The following NRXN2 variants were observed in gnomAD, a reference collection of about 807,000 sequenced individuals.
NRXN2 encodes neurexin-2-beta.
A neutral mutation model predicts 128.8 loss-of-function variants in NRXN2; 29 were observed. That is an observed-to-expected ratio of 0.23 (90% confidence interval 0.17 to 0.31). The LOEUF (loss-of-function observed/expected upper bound fraction) is 0.31, where lower values mean the gene tolerates loss of function less well. NRXN2 is among the 10% of genes least tolerant of loss of function. The pLI is 1.00. For missense variants in NRXN2, 1,881 were observed against 2,452.6 expected (o/e 0.77, Z 4.92); for synonymous variants, 1,098 against 1,075.2 (o/e 1.02, Z -0.41).
intron 19 of NRXN2, among the ~76,000 whole-genome samples, chr11:64,629,868 A>T: frequency 6.7e-6 from 1 of 149,596 alleles, no homozygotes. Context: ...CTCCGTGGCT[A>T]CTCCTCTTCC....
At chr11:64,626,370 G>T in intron 20 of NRXN2, 93 bp downstream of exon 20, 1 of 1,010,380 alleles carries the variant, frequency 9.9e-7, no homozygotes, top group South Asian at 1.4e-5. Context: ...GGTGGGCATT[G>T]GTGAAGGCAC....
chr11:64,622,470 C>T lies in NRXN2; in HGVS notation c.4173+283G>A, dbSNP rs2042502791. Among the ~76,000 whole-genome samples, 1 of 152,214 alleles carries T rather than the reference C, an allele frequency of 6.6e-6. No homozygotes were observed. The highest frequency in any genetic ancestry group is 2.4e-5 in the African/African-American group (1 of 41,460). On this transcript the variant is annotated intron_variant, in intron 21 of 22. Coordinates refer to ENST00000265459, the MANE Select transcript of NRXN2 (RefSeq NM_015080.4). The surrounding 1 kb of genome is among the most constrained non-coding windows in gnomAD (Gnocchi z 4.3). ...TCTCTCTTAGGTAGGGTGGTCTTCT[C>T]TCATATAACTGGGCCATCAAACTCC...
At chr11:64,669,543 C>T (rs780999974) in intron 7 of NRXN2, among the ~76,000 whole-genome samples, 3 of 152,096 alleles carry the variant, frequency 2.0e-5, no homozygotes, top group Non-Finnish European at 4.4e-5. Context: ...TGGGGGAGTA[C>T]TTGGTATTCC....
intron 22 of NRXN2, among the ~76,000 whole-genome samples, chr11:64,613,353 AGTGCACCACAGGCATCTGAGCACCAGCG>A (rs1340066655): frequency 6.6e-6 from 1 of 152,228 alleles, no homozygotes; most frequent in African/African-American, 2.4e-5. Context: ...AGAACATGTG[AGTGCACCACAGGCATCTGAGCACCAGCG>A]GTGCACCCCA....
At chr11:64,701,904 G>A in intron 2 of NRXN2, among the ~76,000 whole-genome samples, 1 of 68,854 alleles carries the variant, frequency 1.5e-5, no homozygotes, top group South Asian at 3.7e-4. Flanking sequence ...GAGGGAGGTG[G>A]GGGGGGTCAG....
At chr11:64,641,068 C>T (rs138245572) in intron 17 of NRXN2, among the ~76,000 whole-genome samples, 12 of 152,072 alleles carry the variant, frequency 7.9e-5, no homozygotes, top group South Asian at 2.1e-4. Context: ...GGGTACAAAG[C>T]GAGAACTGAT....
intron 21 of NRXN2, among the ~76,000 whole-genome samples, chr11:64,621,163 C>CT (rs1034772591): frequency 2.0e-5 from 3 of 152,168 alleles, no homozygotes; most frequent in African/African-American, 4.8e-5. Flanking sequence ...TCTTCAGACT[C>CT]AACAGCCCTC....
chr11:64,674,244 G>A (rs987302185), intron 7 of NRXN2, among the ~76,000 whole-genome samples: 1 of 152,064 alleles, frequency 6.6e-6, no homozygotes, highest in Non-Finnish European at 1.5e-5. Flanking sequence ...AGGCTGGAGT[G>A]CAGAGGCGTA....
intron 22 of NRXN2, among the ~76,000 whole-genome samples, chr11:64,619,198 C>T (rs1188362767): frequency 6.6e-6 from 1 of 152,122 alleles, no homozygotes; most frequent in Non-Finnish European, 1.5e-5. Context: ...CAGGTGCCAC[C>T]CATTGCAAGG....
At chr11:64,633,870 G>A (rs533625590) in intron 18 of NRXN2, among the ~76,000 whole-genome samples, 1 of 151,870 alleles carries the variant, frequency 6.6e-6, no homozygotes, top group Non-Finnish European at 1.5e-5. Flanking sequence ...CCTCTTCTTG[G>A]GCCTGACTAC....
intron 2 of NRXN2, among the ~76,000 whole-genome samples, chr11:64,706,765 A>C (rs1478143342): frequency 6.6e-6 from 1 of 152,114 alleles, no homozygotes; most frequent in African/African-American, 2.4e-5. Context: ...CAAGTTTATT[A>C]ATCAATGTTC....
intron 7 of NRXN2, among the ~76,000 whole-genome samples, chr11:64,670,264 A>G (rs2050449095): frequency 1.3e-5 from 2 of 151,952 alleles, no homozygotes; most frequent in Admixed American, 1.3e-4. Context: ...AAAGCTTTTG[A>G]GTCTTATTTG....
At chr11:64,688,344 A>G (rs1375315119) in intron 5 of NRXN2, 2 of 985,322 alleles carry the variant, frequency 2.0e-6, no homozygotes, top group East Asian at 1.1e-4. Context: ...GGAGCAGCCA[A>G]AGAGAACCTG....
chr11:64,662,976 G>A (rs1255119225), intron 9 of NRXN2, among the ~76,000 whole-genome samples: 1 of 152,092 alleles, frequency 6.6e-6, no homozygotes, highest in African/African-American at 2.4e-5. Context: ...GCTTTGGGAG[G>A]AGAATCAATG....
Position 64,623,773 on chromosome 11 carries a change from C to T in NRXN2, c.3848-695G>A, listed in dbSNP as rs961906736. ...GGCCCTGTTAAGCCGAGCCCTTCCT[C>T]CCCACCTGGACATGCAAGCACAGAA... On this transcript the variant is annotated intron_variant, in intron 20 of 22. Transcript: ENST00000265459. This position sits in a 1 kb window ranked among gnomAD's most constrained non-coding sequence, Gnocchi z 4.9. The T allele has an allele frequency of 1.3e-5, 2 of 152,774 alleles. No homozygotes were observed. Among genetic ancestry groups the T allele is most frequent in the Non-Finnish European group, 2.9e-5 (2 of 68,472 alleles). The allele number at this position is 152,774 out of a possible 1,614,324, so 9.5% of individuals were successfully genotyped here.
At chr11:64,650,935 TG>T (rs1201434647) in intron 14 of NRXN2, among the ~76,000 whole-genome samples, 1 of 152,072 alleles carries the variant, frequency 6.6e-6, no homozygotes, top group Non-Finnish European at 1.5e-5. Flanking sequence ...AGGCAGGGAC[TG>T]GGCTGCTCTG....
intron 7 of NRXN2, chr11:64,676,643 C>A (rs143010979): frequency 3.0e-6 from 1 of 336,542 alleles, no homozygotes; most frequent in East Asian, 5.3e-5. Flanking sequence ...TAGAAATAAG[C>A]AGCCTGGCAT....
intron 3 of NRXN2, among the ~76,000 whole-genome samples, chr11:64,695,130 T>G (rs979812259): frequency 2.6e-5 from 4 of 151,962 alleles, no homozygotes; most frequent in Non-Finnish European, 5.9e-5. Context: ...GTTTTCTCCC[T>G]AAAGTCTGTC....
intron 6 of NRXN2, among the ~76,000 whole-genome samples, chr11:64,680,336 C>A (rs1394090811): frequency 6.6e-6 from 1 of 152,156 alleles, no homozygotes; most frequent in Non-Finnish European, 1.5e-5. Context: ...AGAAGAGGAA[C>A]CCACTCCACT....
Sources: allele counts gnomAD v4.1 joint callset (sites outside exome capture counted in the v4.1 genomes callset), GRCh38; gene constraint gnomAD v4.1.1; non-coding constraint Gnocchi (gnomAD v3.1); transcripts MANE v1.5; gene names NCBI Gene and HGNC (gene_info 2026-07-23, HGNC 2026-07-21).